WDR93: variants seen among roughly 807,000 people sequenced by gnomAD.
The protein encoded by WDR93 is WD repeat-containing protein 93.
WDR93 carries 73 observed loss-of-function variants against 82.9 expected under a neutral mutation model. The observed-to-expected ratio is 0.88, with a 90% confidence interval of 0.73 to 1.07. The LOEUF (loss-of-function observed/expected upper bound fraction) is 1.07, where lower values mean the gene tolerates loss of function less well. Ranked by LOEUF, WDR93 falls within the 50% of genes least tolerant of loss-of-function variation. WDR93 has a pLI of 0.00. For synonymous variants in WDR93, 283 were observed against 300.1 expected (o/e 0.94, Z 0.59); for missense variants, 738 against 826.0 (o/e 0.89, Z 1.31).
At chr15:89,727,117 G>T (rs753703090) in intron 8 of WDR93, 40 bp from the exon 9 acceptor site, 2 of 1,593,740 alleles carry the variant, frequency 1.3e-6, no homozygotes, top group Non-Finnish European at 1.7e-6. Flanking sequence ...GAAAGGGGGA[G>T]TCACATGGCT....
intron 14 of WDR93, 115 bp downstream of exon 14, chr15:89,735,668 G>A (rs976720214): frequency 1.9e-6 from 2 of 1,049,974 alleles, no homozygotes; most frequent in Admixed American, 3.9e-5. Context: ...GTTAGGCACT[G>A]GACTAGCTTT....
chr15:89,721,283 G>T (rs1252756433), intron 7 of WDR93: 1 of 152,156 alleles, frequency 6.6e-6, no homozygotes, highest in African/African-American at 2.4e-5. Flanking sequence ...TTGGCCACAT[G>T]TGGTGGCTCA....
At position 89,734,080 on chromosome 15, in the gene WDR93, T is replaced by C. The variant is rs541757217; in HGVS notation, c.1544+861T>C. Among the ~76,000 whole-genome samples, 7 of 152,274 alleles carry C rather than the reference T, an allele frequency of 4.6e-5. No individual in the cohort carries two copies. In the South Asian group the frequency reaches 1.4e-3, roughly 32 times the overall value. ...AATGAGATCAACTCCCCTGAAACCGTTGGAAATCGATAATCTCCAGTTCCA... is the reference window on the plus strand; with the variant it reads ...AATGAGATCAACTCCCCTGAAACCGCTGGAAATCGATAATCTCCAGTTCCA... On this transcript the variant is annotated intron_variant, in intron 13 of 16. Coordinates refer to ENST00000268130, the MANE Select transcript of WDR93 (RefSeq NM_020212.2).
intron 1 of WDR93, among the ~76,000 whole-genome samples, chr15:89,698,407 A>G (rs117518163): frequency 0.018 from 2,800 of 152,254 alleles, 44 homozygotes; most frequent in Non-Finnish European, 0.028. Context: ...GACAACTTCT[A>G]TCATTTGACT....
rs376704792 is a variant in WDR93, at chr15:89,714,985, G to A, written c.646G>A (p.Gly216Arg). Reference sequence around the variant, plus strand: ...TCTCTGGTTTCCCAATGCAGGAGCCGGAGATATTTGGCTGGATGTGTATAA... The same window carrying A: ...TCTCTGGTTTCCCAATGCAGGAGCCAGAGATATTTGGCTGGATGTGTATAA... The part of the protein sequence containing the change: ...DFAAFLLQGA[G>R]DIWLDVYKLP... Residue 216 changes from glycine (G) to arginine (R), a missense_variant, in exon 6 of 17, where the codon GGA becomes AGA. Gly to Arg is a moderately radical substitution (Grantham distance 125). Coordinates refer to ENST00000268130, the MANE Select transcript of WDR93 (RefSeq NM_020212.2). 3.6e-5 allele frequency: 58 copies of A among 1,613,074 alleles called. No homozygotes were observed. Among genetic ancestry groups the A allele is most frequent in the South Asian group, 2.6e-4 (24 of 90,900 alleles).
intron 5 of WDR93, chr15:89,714,210 T>C (rs1028808086): frequency 6.6e-6 from 1 of 152,244 alleles, no homozygotes; most frequent in Non-Finnish European, 1.5e-5. Context: ...CAGGTAAAAC[T>C]GAAGGCAAAA....
chr15:89,741,945 G>T (rs1025645685), intron 16 of WDR93, among the ~76,000 whole-genome samples: 16 of 152,122 alleles, frequency 1.1e-4, no homozygotes, highest in African/African-American at 2.7e-4. Context: ...TAGAGACGGG[G>T]TTTCACCATG....
Position 89,705,637 on chromosome 15 carries a change from A to G in WDR93, c.561+19A>G. 6.7e-7 allele frequency: 1 copy of G among 1,483,574 alleles called. No homozygotes were observed. The highest frequency in any genetic ancestry group is 9.4e-7 in the Non-Finnish European group (1 of 1,062,316). 91.9% of individuals were successfully genotyped at this position (1,483,574 alleles called of 1,614,324 possible). A position where few individuals can be genotyped will look rare whatever the true frequency, so the allele number is the denominator to read the frequency against. ...TGAAGTGGTGAGTTCCTATTCTTTC[A>G]CCATTAGCTGGGCCAAAAGCTGTAG... On this transcript the variant is annotated intron_variant, in intron 4 of 16. Transcript: ENST00000268130.
intron 4 of WDR93, among the ~76,000 whole-genome samples, chr15:89,706,990 A>T (rs1965753860): frequency 6.6e-6 from 1 of 152,214 alleles, no homozygotes; most frequent in Non-Finnish European, 1.5e-5. Context: ...TTGTTAATGG[A>T]ATGAAAAGAC....
At chr15:89,713,705 T>G (rs1049722081) in intron 5 of WDR93, among the ~76,000 whole-genome samples, 4 of 152,032 alleles carry the variant, frequency 2.6e-5, no homozygotes, top group African/African-American at 9.7e-5. Context: ...ACTCCTGAGC[T>G]CAGGTGATCC....
chr15:89,693,638 A>C (rs955049866), intron 1 of WDR93, among the ~76,000 whole-genome samples: 6 of 152,228 alleles, frequency 3.9e-5, no homozygotes, highest in African/African-American at 1.4e-4. Context: ...AATTTAAACA[A>C]ACAAACAGAA....
chr15:89,696,388 G>A (rs1965176195), intron 1 of WDR93, among the ~76,000 whole-genome samples: 1 of 152,156 alleles, frequency 6.6e-6, no homozygotes, highest in Non-Finnish European at 1.5e-5. Context: ...TAAACCTGTT[G>A]AAGGACATTT....
chr15:89,702,661 C>T (rs1178396478), intron 2 of WDR93, among the ~76,000 whole-genome samples: 1 of 152,010 alleles, frequency 6.6e-6, no homozygotes, highest in Non-Finnish European at 1.5e-5. Context: ...GCCTCAGCCT[C>T]CCAAGTAGCT....
intron 7 of WDR93, chr15:89,721,161 A>G (rs1369582081): frequency 1.3e-5 from 2 of 152,166 alleles, no homozygotes; most frequent in Non-Finnish European, 2.9e-5. Context: ...TTTTAGCAAG[A>G]TATATCTTTT....
rs1596088959 is a variant in WDR93, at chr15:89,714,847, T to G, written c.641-133T>G. The G allele has an allele frequency of 1.2e-5, 8 of 652,168 alleles. No homozygotes were observed. In the East Asian group the frequency reaches 1.9e-4, roughly 16 times the overall value. 40.4% of individuals were successfully genotyped at this position (652,168 alleles called of 1,614,324 possible). A position where few individuals can be genotyped will look rare whatever the true frequency, so the allele number is the denominator to read the frequency against. ...CATTGCAGAACTACTTCTCCTTCAGTATGTCAAAGTTGCCTGGTATGGAGG... is the reference window on the plus strand; with the variant it reads ...CATTGCAGAACTACTTCTCCTTCAGGATGTCAAAGTTGCCTGGTATGGAGG... On this transcript the variant is annotated intron_variant, in intron 5 of 16. Coordinates refer to ENST00000268130, the MANE Select transcript of WDR93 (RefSeq NM_020212.2).
chr15:89,735,604 C>T, intron 14 of WDR93, 51 bp downstream of exon 14: 1 of 1,554,982 alleles, frequency 6.4e-7, no homozygotes, highest in South Asian at 1.1e-5. Context: ...CATTTCTCTT[C>T]TGTGAATGTG....
intron 7 of WDR93, among the ~76,000 whole-genome samples, chr15:89,720,750 T>C (rs1011827282): frequency 5.3e-5 from 8 of 152,230 alleles, no homozygotes; most frequent in African/African-American, 1.7e-4. Context: ...ATTCCCACAA[T>C]GTGGATTATA....
At chr15:89,718,398 C>G (rs1237188966) in intron 7 of WDR93, among the ~76,000 whole-genome samples, 1 of 151,358 alleles carries the variant, frequency 6.6e-6, no homozygotes, top group Non-Finnish European at 1.5e-5. Context: ...CGCTTGAACC[C>G]GGGAGGCGGA....
chr15:89,694,137 G>A (rs992764426), intron 1 of WDR93, among the ~76,000 whole-genome samples: 1 of 151,828 alleles, frequency 6.6e-6, no homozygotes, highest in Non-Finnish European at 1.5e-5. Flanking sequence ...TTTCACAAAT[G>A]ACTAATGATG....
Sources: gnomAD v4.1 joint callset for allele counts (sites outside exome capture counted in the v4.1 genomes callset) on GRCh38, gnomAD v4.1.1 for gene constraint, MANE v1.5 for transcripts, NCBI Gene and HGNC (gene_info 2026-07-23, HGNC 2026-07-21) for gene names.